Variants in ABHD5 observed in about 807,000 individuals in gnomAD.
ABHD5 encodes the protein abhydrolase domain containing 5, lysophosphatidic acid acyltransferase.
Under a neutral mutation model 44.9 loss-of-function variants are expected in ABHD5, and 30 were observed. The ratio of observed to expected loss-of-function variants is 0.67; its 90% CI spans 0.50 to 0.91. ABHD5 has a LOEUF of 0.91. Ranked by LOEUF, ABHD5 falls within the 40% of genes least tolerant of loss-of-function variation. The probability of loss-of-function intolerance (pLI) is 0.00; values close to 1 mark genes in which losing one functional copy is unlikely to be tolerated. For synonymous variants in ABHD5, 167 were observed against 147.0 expected, an observed-to-expected ratio of 1.14 and a Z score of -0.99; for missense variants, 399 against 423.4, an observed-to-expected ratio of 0.94 and a Z score of 0.50.
chr3:43,707,490 CA>C (rs1408053751), intron 3 of ABHD5, among the ~76,000 whole-genome samples: 1 of 152,182 alleles, frequency 6.6e-6, no homozygotes, highest in Non-Finnish European at 1.5e-5. Context: ...TTTCTCTCAC[CA>C]ATGGCTTGGA....
At chr3:43,700,961 G>A (rs1356633999) in intron 2 of ABHD5, among the ~76,000 whole-genome samples, 1 of 152,074 alleles carries the variant, frequency 6.6e-6, no homozygotes, top group Non-Finnish European at 1.5e-5. Flanking sequence ...AGATGTCATT[G>A]TGATTTACCA....
chr3:43,722,651 T>C lies in ABHD5; in HGVS notation c.*4119T>C, dbSNP rs1289107984. 2 of 152,232 alleles carry C rather than the reference T, an allele frequency of 1.3e-5. No individual in the cohort carries two copies. Among genetic ancestry groups the C allele is most frequent in the African/African-American group, 2.4e-5 (1 of 41,458 alleles). 9.4% of individuals were successfully genotyped at this position (152,232 alleles called of 1,614,324 possible). ...GACTTACTTCAAGTGACTTGAAAACTTAGTATTTTGTCTGTACTTTGCTAA... is the reference window on the plus strand; with the variant it reads ...GACTTACTTCAAGTGACTTGAAAACCTAGTATTTTGTCTGTACTTTGCTAA... On this transcript the variant is annotated 3_prime_UTR_variant, in exon 7 of 7. Coordinates refer to ENST00000644371, the MANE Select transcript of ABHD5 (RefSeq NM_016006.6).
rs1240466277 is a variant in ABHD5, at chr3:43,721,137, T to A, written c.*2605T>A. ...CCCTATTAAATATTATAACATAATG[T>A]TTACAATATGAGAAAGTCTAGGAAT... On this transcript the variant is annotated 3_prime_UTR_variant, in exon 7 of 7. Coordinates refer to ENST00000644371, the MANE Select transcript of ABHD5 (RefSeq NM_016006.6). 6.6e-6 allele frequency: 1 copy of A among 152,058 alleles called. No individual in the cohort carries two copies. The highest frequency in any genetic ancestry group is 1.5e-5 in the Non-Finnish European group (1 of 68,004). 9.4% of individuals were successfully genotyped at this position (152,058 alleles called of 1,614,324 possible). A position where few individuals can be genotyped will look rare whatever the true frequency, so the allele number is the denominator to read the frequency against.
At chr3:43,711,686 A>T in intron 3 of ABHD5, 23 bp from the exon 4 acceptor site, 2 of 1,613,886 alleles carry the variant, frequency 1.2e-6, no homozygotes, top group Non-Finnish European at 1.7e-6. Flanking sequence ...AAATGAACTT[A>T]AATATATTCT....
chr3:43,733,579 G>T (rs547590175), intron 7 of ABHD5, among the ~76,000 whole-genome samples: 15 of 152,276 alleles, frequency 9.9e-5, no homozygotes, highest in African/African-American at 3.6e-4. Flanking sequence ...TTTTCCACAG[G>T]ATGCCCTTGT....
chr3:43,713,551 G>A (rs2084716722), intron 4 of ABHD5, among the ~76,000 whole-genome samples: 1 of 151,896 alleles, frequency 6.6e-6, no homozygotes, highest in South Asian at 2.1e-4. Context: ...GGATATGGGG[G>A]TTGAATTGGT....
rs1479755816 is a variant in ABHD5 at position 43,719,321 on chromosome 3, C to G, written c.*789C>G. On this transcript the variant is annotated 3_prime_UTR_variant, in exon 7 of 7. Coordinates refer to ENST00000644371, the MANE Select transcript of ABHD5 (RefSeq NM_016006.6). ...ACCTAAAAGGCTGTTCTTTGTTTCC[C>G]CCTTTCATACTATTCTTTTCCATGA... The G allele has an allele frequency of 6.6e-6, 1 of 152,172 alleles. No individual in the cohort carries two copies. The highest frequency in any genetic ancestry group is 2.4e-5 in the African/African-American group (1 of 41,440). The allele number at this position is 152,172 out of a possible 1,614,324, so 9.4% of individuals were successfully genotyped here. A position where few individuals can be genotyped will look rare whatever the true frequency, so the allele number is the denominator to read the frequency against.
In ABHD5 at chr3:43,718,778, TA is replaced by T. The variant is rs1307069548; in HGVS notation, c.*250del. 19 of 443,702 alleles carry T rather than the reference TA, an allele frequency of 4.3e-5. No individual in the cohort carries two copies. The highest frequency in any genetic ancestry group is 6.9e-5 in the Non-Finnish European group (17 of 245,484). 27.5% of individuals were successfully genotyped at this position (443,702 alleles called of 1,614,324 possible). A position where few individuals can be genotyped will look rare whatever the true frequency, so the allele number is the denominator to read the frequency against. On this transcript the variant is annotated 3_prime_UTR_variant, in exon 7 of 7. Transcript: ENST00000644371. ...AGTCTCTAAATATAATACCTTTAAA[TA>T]AAAGGTTATTTGTCCCTCTGATGTA...
intron 1 of ABHD5, chr3:43,691,244 G>T (rs1162269599): frequency 2.3e-6 from 1 of 430,334 alleles, no homozygotes; most frequent in Non-Finnish European, 3.9e-6. Flanking sequence ...CCTCAGCGTC[G>T]GGGCCCCGAG....
chr3:43,727,710 G>C (rs1353837599), downstream of ABHD5, among the ~76,000 whole-genome samples: 3 of 152,306 alleles, frequency 2.0e-5, no homozygotes, highest in East Asian at 5.8e-4. Context: ...CCGGGTTCAA[G>C]CAGTTCTCCT....
intron 3 of ABHD5, among the ~76,000 whole-genome samples, chr3:43,706,820 TGAC>T: frequency 6.6e-6 from 1 of 152,304 alleles, no homozygotes; most frequent in East Asian, 1.9e-4. Flanking sequence ...TTAAGTAAAA[TGAC>T]AGCTCCTTAC....
rs1324793918 is a variant in ABHD5 at position 43,718,303 on chromosome 3, A to T, written c.961-140A>T. On this transcript the variant is annotated intron_variant, in intron 6 of 6. Transcript: ENST00000644371. ...TGGATATACTTAATAGTTACTATAGATTATTGTTATTTTTTAATCACGTGT... is the reference window on the plus strand; with the variant it reads ...TGGATATACTTAATAGTTACTATAGTTTATTGTTATTTTTTAATCACGTGT... 1.1e-5 allele frequency: 8 copies of T among 761,260 alleles called. No homozygotes were observed. In the Admixed American group the frequency reaches 1.3e-4, roughly 13 times the overall value. The allele number at this position is 761,260 out of a possible 1,614,324, so 47.2% of individuals were successfully genotyped here. A position where few individuals can be genotyped will look rare whatever the true frequency, so the allele number is the denominator to read the frequency against.
downstream of ABHD5, among the ~76,000 whole-genome samples, chr3:43,726,563 G>A (rs978353280): frequency 6.6e-6 from 1 of 152,212 alleles, no homozygotes; most frequent in Non-Finnish European, 1.5e-5. Flanking sequence ...ATCTGAAGGA[G>A]GGAGCATCTT....
At chr3:43,717,577 A>G (rs1472248280) in intron 5 of ABHD5, 94 bp from the exon 6 acceptor site, 4 of 1,348,078 alleles carry the variant, frequency 3.0e-6, no homozygotes, top group Non-Finnish European at 4.2e-6. Context: ...GGTGCTGGAA[A>G]AGCTAAATAT....
Position 43,728,787 on chromosome 3 carries a change from G to A in ABHD5, c.*30-5093G>A, listed in dbSNP as rs537196084. On this transcript the variant is annotated intron_variant, in intron 7 of 7. Coordinates refer to the ABHD5 transcript ENST00000454293. ...ATAGATCTGAGAACTAAGGAAGAAA[G>A]AACAAGGCCTGAGCGCCTAGAGTGG... is the stretch of plus-strand genomic sequence containing the variant. Among the ~76,000 whole-genome samples, 4 of 152,322 alleles carry A rather than the reference G, an allele frequency of 2.6e-5. No individual in the cohort carries two copies. The South Asian group carries it at 8.3e-4, about 32-fold the overall frequency.
intron 2 of ABHD5, 32 bp from the exon 3 acceptor site, chr3:43,702,183 G>T: frequency 6.4e-7 from 1 of 1,561,890 alleles, no homozygotes; most frequent in South Asian, 1.2e-5. Flanking sequence ...GTAATAAAAT[G>T]AAACAGAATT....
chr3:43,717,598 T>C (rs1368604770), intron 5 of ABHD5, 73 bp from the exon 6 acceptor site: 8 of 1,486,500 alleles, frequency 5.4e-6, no homozygotes. Context: ...GAATGTGTTT[T>C]GATAGAAGTG....
At chr3:43,726,445 G>A (rs576933926), downstream of ABHD5, among the ~76,000 whole-genome samples, 2 of 152,308 alleles carry the variant, frequency 1.3e-5, no homozygotes, top group South Asian at 4.1e-4. Flanking sequence ...GCCAGGCATT[G>A]AGGACAACAC....
intron 7 of ABHD5, among the ~76,000 whole-genome samples, chr3:43,731,108 G>A (rs6761983): frequency 0.7 from 105,604 of 151,688 alleles, 37,815 homozygotes; most frequent in Non-Finnish European, 0.78. Flanking sequence ...GATTACAGGC[G>A]TGAGCCACTG....
Sources: allele counts gnomAD v4.1 joint callset (sites outside exome capture counted in the v4.1 genomes callset), GRCh38; gene constraint gnomAD v4.1.1; transcripts MANE v1.5; gene names NCBI Gene and HGNC (gene_info 2026-07-23, HGNC 2026-07-21).